Variants in LGSN observed in about 807,000 individuals in gnomAD.
LGSN encodes lengsin.
In LGSN, 21 loss-of-function variants were observed where a neutral mutation model predicts 19.5. The observed-to-expected ratio is 1.07, with a 90% CI of 0.76 to 1.55. LGSN has a LOEUF of 1.55. Among genes scored for constraint, LGSN ranks in the 40% most tolerant of loss-of-function variants. The pLI, the probability that LGSN is intolerant of heterozygous loss-of-function variation, is 0.00. For synonymous variants in LGSN, 257 were observed against 215.6 expected (o/e 1.19, Z -1.68); for missense variants, 673 against 608.5 (o/e 1.11, Z -1.12).
the LGSN span, among the ~76,000 whole-genome samples, chr6:63,353,222 T>C: frequency 6.6e-6 from 1 of 152,088 alleles, no homozygotes; most frequent in African/African-American, 2.4e-5. Flanking sequence ...CAGAGGTCAG[T>C]AACACCAAAG....
the LGSN span, among the ~76,000 whole-genome samples, chr6:63,505,024 A>G: frequency 6.6e-6 from 1 of 150,656 alleles, no homozygotes; most frequent in African/African-American, 2.4e-5. Context: ...GCTATGCTTC[A>G]TTTCTCATCT....
At chr6:63,504,057 C>A in the LGSN span, among the ~76,000 whole-genome samples, 6 of 152,114 alleles carry the variant, frequency 3.9e-5, no homozygotes, top group African/African-American at 1.4e-4. Context: ...TGAACAGTCA[C>A]ACATTAAAGA....
chr6:63,405,019 T>G, the LGSN span, among the ~76,000 whole-genome samples: 4 of 138,718 alleles, frequency 2.9e-5, no homozygotes, highest in East Asian at 8.8e-4. Context: ...TGTGATCTCA[T>G]TGTTCAATTC....
At chr6:63,418,068 A>G in the LGSN span, among the ~76,000 whole-genome samples, 34 of 152,344 alleles carry the variant, frequency 2.2e-4, no homozygotes, top group African/African-American at 7.7e-4. Flanking sequence ...TCTTTAAGAA[A>G]TAATACTGGA....
At chr6:63,384,431 T>G in the LGSN span, among the ~76,000 whole-genome samples, 1 of 152,236 alleles carries the variant, frequency 6.6e-6, no homozygotes, top group East Asian at 1.9e-4. Flanking sequence ...GTTGAATTAA[T>G]ACGTTGAAGC....
At chr6:63,412,502 GA>G in the LGSN span, among the ~76,000 whole-genome samples, 13 of 91,582 alleles carry the variant, frequency 1.4e-4, no homozygotes, top group South Asian at 7.2e-4. Flanking sequence ...AAGAAAGAAA[GA>G]AAGAAAGAAA....
At chr6:63,487,230 A>G in the LGSN span, among the ~76,000 whole-genome samples, 1 of 151,998 alleles carries the variant, frequency 6.6e-6, no homozygotes, top group Non-Finnish European at 1.5e-5. Context: ...TTGGCCTCCC[A>G]AAGTGCTGGG....
At chr6:63,345,202 GAA>G in the LGSN span, among the ~76,000 whole-genome samples, 1 of 152,150 alleles carries the variant, frequency 6.6e-6, no homozygotes, top group African/African-American at 2.4e-5. Context: ...CCTAGACTCA[GAA>G]ATATATGTTT....
At chr6:63,455,390 A>C in the LGSN span, among the ~76,000 whole-genome samples, 3 of 152,346 alleles carry the variant, frequency 2.0e-5, no homozygotes, top group East Asian at 5.8e-4. Flanking sequence ...TAGCCAATCA[A>C]TAGCTTAAGC....
chr6:63,451,839 G>A, the LGSN span, among the ~76,000 whole-genome samples: 14 of 151,756 alleles, frequency 9.2e-5, no homozygotes, highest in East Asian at 3.9e-4. Context: ...ACAATTTTTC[G>A]TCTGTTGATG....
chr6:63,526,541 G>A, the LGSN span, among the ~76,000 whole-genome samples: 1 of 151,878 alleles, frequency 6.6e-6, no homozygotes, highest in Non-Finnish European at 1.5e-5. Flanking sequence ...CAGGCGCAGT[G>A]GCTCATGCCT....
chr6:63,551,773 T>G, the LGSN span, among the ~76,000 whole-genome samples: 38 of 146,824 alleles, frequency 2.6e-4, no homozygotes, highest in Admixed American at 4.1e-4. Flanking sequence ...AATTCCCACC[T>G]ATGAATGAGA....
the LGSN span, among the ~76,000 whole-genome samples, chr6:63,513,455 C>T: frequency 6.6e-6 from 1 of 152,006 alleles, no homozygotes; most frequent in Non-Finnish European, 1.5e-5. Context: ...ATAATGGTTA[C>T]CCAATTACAA....
At chr6:63,282,643 C>T (rs1767365599) in intron 3 of LGSN, among the ~76,000 whole-genome samples, 1 of 152,004 alleles carries the variant, frequency 6.6e-6, no homozygotes, top group South Asian at 2.1e-4. Context: ...ACTGCCTCCA[C>T]TTTCCACCAT....
chr6:63,549,961 T>C, the LGSN span, among the ~76,000 whole-genome samples: 1 of 152,192 alleles, frequency 6.6e-6, no homozygotes, highest in Non-Finnish European at 1.5e-5. Context: ...GGATATTGAA[T>C]GTTCACAACA....
At chr6:63,459,133 C>T in the LGSN span, among the ~76,000 whole-genome samples, 1 of 152,124 alleles carries the variant, frequency 6.6e-6, no homozygotes, top group Admixed American at 6.6e-5. Context: ...AAAATGTCAA[C>T]AATGTTTCCA....
the LGSN span, among the ~76,000 whole-genome samples, chr6:63,470,629 C>T: frequency 5.3e-5 from 8 of 151,862 alleles, no homozygotes; most frequent in South Asian, 2.1e-4. Context: ...CATTTTTATC[C>T]GCACCCATTT....
the LGSN span, among the ~76,000 whole-genome samples, chr6:63,480,821 TG>T: frequency 1.1e-5 from 1 of 95,136 alleles, no homozygotes; most frequent in African/African-American, 3.3e-5. Flanking sequence ...AGTCATTATA[TG>T]AAAAAAAAAA....
At chr6:63,489,154 G>A in the LGSN span, among the ~76,000 whole-genome samples, 1 of 152,096 alleles carries the variant, frequency 6.6e-6, no homozygotes, top group South Asian at 2.1e-4. Flanking sequence ...TGGGAAATGG[G>A]CCGTAAAAAT....
Sources: allele counts gnomAD v4.1 joint callset (sites outside exome capture counted in the v4.1 genomes callset), GRCh38; gene constraint gnomAD v4.1.1; transcripts MANE v1.5; gene names NCBI Gene and HGNC (gene_info 2026-07-23, HGNC 2026-07-21).